The following MPHOSPH10 variants were observed in gnomAD, a reference collection of about 807,000 sequenced individuals.
MPHOSPH10 encodes the protein U3 small nucleolar ribonucleoprotein MPP10.
In MPHOSPH10, 33 loss-of-function variants were observed where a neutral mutation model predicts 77.3. That is an observed-to-expected ratio of 0.43 (90% CI 0.32 to 0.57). The LOEUF (loss-of-function observed/expected upper bound fraction) is 0.57, where lower values mean the gene tolerates loss of function less well. MPHOSPH10 is among the 20% of genes least tolerant of loss of function. The pLI is 0.07. For missense variants in MPHOSPH10, 708 were observed against 780.1 expected (o/e 0.91, Z 1.10); for synonymous variants, 245 against 268.0 (o/e 0.91, Z 0.84).
rs1673423105 is a variant in MPHOSPH10 at position 71,133,309 on chromosome 2, T to G, written c.501T>G (p.Ser167Arg). 2 of 1,613,848 alleles carry G rather than the reference T, an allele frequency of 1.2e-6. No individual in the cohort carries two copies. The highest frequency in any genetic ancestry group is 1.1e-5 in the South Asian group (1 of 91,062). ...KSDLRKSPVF[S>R]DEDSDLDFDI... is the part of the protein sequence containing the mutation. ...ATCTGAGGAAAAGCCCCGTTTTCAG[T>G]GATGAGGATTCTGACCTTGACTTTG... The change falls in exon 2 of 11, where the codon AGT becomes AGG. Residue 167 changes from serine (S) to arginine (R), a missense_variant. Coordinates refer to ENST00000244230, the MANE Select transcript of MPHOSPH10 (RefSeq NM_005791.3).
At position 71,139,879 on chromosome 2, in the gene MPHOSPH10, T is replaced by C. The variant is rs1572899301; in HGVS notation, c.1308+17T>C. On this transcript the variant is annotated intron_variant, in intron 6 of 10. Transcript: ENST00000244230. ...AGAGATCAGGTCAGTAAGAATTAAA[T>C]TTAACTTAATCAAAATGTCACCAAG... The C allele has an allele frequency of 6.5e-7, 1 of 1,530,146 alleles. No individual in the cohort carries two copies. Among genetic ancestry groups the C allele is most frequent in the East Asian group, 2.3e-5 (1 of 44,082 alleles). The allele number at this position is 1,530,146 out of a possible 1,614,324, so 94.8% of individuals were successfully genotyped here.
At chr2:71,141,889 G>A (rs984504881) in intron 7 of MPHOSPH10, among the ~76,000 whole-genome samples, 5 of 151,970 alleles carry the variant, frequency 3.3e-5, no homozygotes, top group African/African-American at 7.2e-5. Context: ...AAAATTAGAC[G>A]GGCGTGGTGG....
At chr2:71,137,569 G>A (rs917278077) in intron 4 of MPHOSPH10, among the ~76,000 whole-genome samples, 1 of 150,986 alleles carries the variant, frequency 6.6e-6, no homozygotes, top group African/African-American at 2.5e-5. Context: ...CAAGGTAAGA[G>A]GATTGCTTGA....
Position 71,145,908 on chromosome 2 carries a change from C to A in MPHOSPH10, c.1557+1370C>A, listed in dbSNP as rs140349306. Reference sequence around the variant, plus strand: ...TTGCCCAGGCTAGACGCCTTTCCCTCCTTGCAGATGTTCCTTGGCTCCTTA... The same window carrying A: ...TTGCCCAGGCTAGACGCCTTTCCCTACTTGCAGATGTTCCTTGGCTCCTTA... On this transcript the variant is annotated intron_variant, in intron 8 of 10. Transcript: ENST00000244230. Among the ~76,000 whole-genome samples the A allele has an allele frequency of 1.4e-3, 210 of 152,322 alleles. 2 individuals carry two copies. The highest frequency in any genetic ancestry group is 4.7e-3 in the African/African-American group (195 of 41,572).
At chr2:71,140,481 G>A (rs1456290100) in intron 6 of MPHOSPH10, among the ~76,000 whole-genome samples, 1 of 152,148 alleles carries the variant, frequency 6.6e-6, no homozygotes, top group African/African-American at 2.4e-5. Flanking sequence ...CATTCATGAG[G>A]GCAAAACCCT....
In MPHOSPH10 at chr2:71,130,643, T is replaced by G. The variant is rs1395709584; in HGVS notation, c.-23T>G. 1 of 1,597,782 alleles carries G rather than the reference T, an allele frequency of 6.3e-7. No individual in the cohort carries two copies. The highest frequency in any genetic ancestry group is 2.2e-5 in the East Asian group (1 of 44,448). ...GGCTCCCTTCCCTTGCATGCTGCATTGTGTCGGGAGTTGCTGACAGCCATG... is the reference window on the plus strand; with the variant it reads ...GGCTCCCTTCCCTTGCATGCTGCATGGTGTCGGGAGTTGCTGACAGCCATG... On this transcript the variant is annotated 5_prime_UTR_variant, in exon 1 of 11. It adds an upstream start codon to the 5' untranslated region. Coordinates refer to ENST00000244230, the MANE Select transcript of MPHOSPH10 (RefSeq NM_005791.3).
chr2:71,146,008 C>T (rs1183809349), intron 8 of MPHOSPH10, among the ~76,000 whole-genome samples: 1 of 152,200 alleles, frequency 6.6e-6, no homozygotes, highest in East Asian at 1.9e-4. Context: ...CTGCATTGCA[C>T]ATTTGCAGTC....
At chr2:71,145,445 G>A (rs1357572284) in intron 8 of MPHOSPH10, among the ~76,000 whole-genome samples, 1 of 151,520 alleles carries the variant, frequency 6.6e-6, no homozygotes, top group African/African-American at 2.4e-5. Flanking sequence ...TGATTCCCAT[G>A]CAAATATTTT....
chr2:71,134,706 C>T lies in MPHOSPH10; in HGVS notation c.1007C>T (p.Pro336Leu), dbSNP rs1303791995. The T allele has an allele frequency of 6.2e-7, 1 of 1,611,602 alleles. No homozygotes were observed. The highest frequency in any genetic ancestry group is 2.2e-5 in the East Asian group (1 of 44,800). The change falls in exon 4 of 11, where the codon CCA becomes CTA. Residue 336 changes from proline (P) to leucine (L), a missense_variant. Transcript: ENST00000244230. ...TTGAAAAGAGTGACCTTTGCTTTAC[C>T]AGATGATGCGGAAACTGAAGATACA... is the stretch of plus-strand genomic sequence containing the variant. ...ESLKRVTFAL[P>L]DDAETEDTGV... is the part of the protein sequence containing the mutation.
At position 71,134,049 on chromosome 2, in the gene MPHOSPH10, C is replaced by T; in HGVS notation, c.870C>T (p.Asn290=). ...TNVHDDELDS[N]KEDDEIAEEE... ...TTCATGATGATGAGCTGGATTCAAA[C>T]AAAGAAGATGATGAAATTGCTGAAG... The change falls in exon 3 of 11, where the codon AAC becomes AAT. Residue 290 remains asparagine, a synonymous_variant. Transcript: ENST00000244230. 2 of 1,609,122 alleles carry T rather than the reference C, an allele frequency of 1.2e-6. No individual in the cohort carries two copies. Among genetic ancestry groups the T allele is most frequent in the Admixed American group, 3.4e-5 (2 of 59,378 alleles).
intron 1 of MPHOSPH10, among the ~76,000 whole-genome samples, chr2:71,131,250 A>G (rs932652763): frequency 6.6e-6 from 1 of 152,228 alleles, no homozygotes; most frequent in African/African-American, 2.4e-5. Context: ...TTACTCATTT[A>G]TGTTTCAAAC....
At chr2:71,137,156 A>G (rs908398362) in intron 4 of MPHOSPH10, among the ~76,000 whole-genome samples, 5 of 152,192 alleles carry the variant, frequency 3.3e-5, no homozygotes, top group African/African-American at 1.2e-4. Flanking sequence ...ATAAAATTCA[A>G]TATTCATTTC....
chr2:71,149,272 C>A lies in MPHOSPH10; in HGVS notation c.1715C>A (p.Thr572Lys), dbSNP rs1158418009. ...DIKTAAEKTATDKKRERRKKK... is the reference protein window; with the variant it reads ...DIKTAAEKTAKDKKRERRKKK... ...AAAACAGCTGCTGAAAAAACAGCTA[C>A]AGACAAGAAACGAGAGCGAAGGAAA... The change falls in exon 10 of 11, where the codon ACA becomes AAA. Residue 572 changes from threonine to lysine, a missense_variant. Physicochemically the swap from Thr to Lys is moderately conservative, Grantham distance 78. Coordinates refer to ENST00000244230, the MANE Select transcript of MPHOSPH10 (RefSeq NM_005791.3). 1.3e-6 allele frequency: 2 copies of A among 1,598,806 alleles called. No homozygotes were observed. Among genetic ancestry groups the A allele is most frequent in the South Asian group, 2.3e-5 (2 of 88,590 alleles).
chr2:71,132,763 G>A, intron 1 of MPHOSPH10, 135 bp from the exon 2 acceptor site: 1 of 1,187,982 alleles, frequency 8.4e-7, no homozygotes, highest in Non-Finnish European at 1.2e-6. Flanking sequence ...CTTATATGTT[G>A]TTGGGGGCCA....
At chr2:71,149,135 T>C in intron 9 of MPHOSPH10, 88 bp from the exon 10 acceptor site, 1 of 1,224,076 alleles carries the variant, frequency 8.2e-7, no homozygotes, top group South Asian at 1.6e-5. Flanking sequence ...CACAGCCTGC[T>C]TGCTGGCTAC....
chr2:71,146,627 C>T (rs762634514), intron 8 of MPHOSPH10, among the ~76,000 whole-genome samples: 1 of 152,130 alleles, frequency 6.6e-6, no homozygotes. Context: ...CGTGAGTTAC[C>T]GTGCCCAGCA....
At chr2:71,139,904 G>A (rs1323891031) in intron 6 of MPHOSPH10, 42 bp downstream of exon 6, 1 of 1,339,414 alleles carries the variant, frequency 7.5e-7, no homozygotes, top group Non-Finnish European at 1.1e-6. Flanking sequence ...ATGTCACCAA[G>A]ATTTTTAGAA....
intron 4 of MPHOSPH10, among the ~76,000 whole-genome samples, chr2:71,136,320 C>T (rs1029501510): frequency 2.0e-5 from 3 of 152,026 alleles, no homozygotes; most frequent in African/African-American, 7.3e-5. Context: ...TCGAGACCAA[C>T]CTGGGCAACA....
rs1350744661 is a variant in MPHOSPH10 at position 71,143,177 on chromosome 2, C to T, written c.1447-1251C>T. 5.4e-5 allele frequency among the ~76,000 whole-genome samples: 8 copies of T among 147,190 alleles called. 1 individual carries two copies. In the East Asian group the frequency reaches 1.4e-3, roughly 25 times the overall value. On this transcript the variant is annotated intron_variant, in intron 7 of 10. Coordinates refer to ENST00000244230, the MANE Select transcript of MPHOSPH10 (RefSeq NM_005791.3). The stretch of plus-strand genomic sequence containing the variant: ...TTTTTTTTTGAGACGGAGTCTTGCT[C>T]GGTTGCCAGGCTGGAGTGCAGTGGC...
Sources: allele counts gnomAD v4.1 joint callset (sites outside exome capture counted in the v4.1 genomes callset), GRCh38; gene constraint gnomAD v4.1.1; transcripts MANE v1.5; gene names NCBI Gene and HGNC (gene_info 2026-07-23, HGNC 2026-07-21).